RBFOX1: variants seen among roughly 807,000 people sequenced by gnomAD.
The protein encoded by RBFOX1 is RNA binding fox-1 homolog 1, also known as RNA binding protein fox-1 homolog 1.
Under a neutral mutation model 57.7 loss-of-function variants are expected in RBFOX1, and 8 were observed. The observed-to-expected ratio is 0.14, with a 90% CI of 0.08 to 0.25. The LOEUF (loss-of-function observed/expected upper bound fraction) is 0.25, where lower values mean the gene tolerates loss of function less well. Ranked by LOEUF, RBFOX1 falls within the 10% of genes least tolerant of loss-of-function variation. The pLI is 1.00. For missense variants in RBFOX1, 611 were observed against 548.5 expected (o/e 1.11, Z -1.14); for synonymous variants, 326 against 222.4 (o/e 1.47, Z -4.15).
chr16:5,520,011 G>T (rs1477449280), intron 2 of RBFOX1, among the ~76,000 whole-genome samples: 2 of 152,324 alleles, frequency 1.3e-5, no homozygotes, highest in Non-Finnish European at 2.9e-5. Flanking sequence ...GGATATTAAA[G>T]GAGTAAACTG....
chr16:5,498,250 C>G (rs1325119665), intron 2 of RBFOX1, among the ~76,000 whole-genome samples: 1 of 152,174 alleles, frequency 6.6e-6, no homozygotes, highest in Admixed American at 6.5e-5. Flanking sequence ...TCAAGCAGTT[C>G]TCCTGCTTCA....
intron 2 of RBFOX1, among the ~76,000 whole-genome samples, chr16:5,491,105 C>G (rs1270325292): frequency 1.3e-5 from 2 of 152,154 alleles, no homozygotes. Flanking sequence ...TCTTACGGGA[C>G]CACCGTCATA....
chr16:6,197,096 TAGAA>T (rs2097184503), intron 1 of RBFOX1, among the ~76,000 whole-genome samples: 2 of 152,176 alleles, frequency 1.3e-5, no homozygotes, highest in African/African-American at 4.8e-5. Context: ...TAAGGACAAA[TAGAA>T]AGCTTTATAT....
intron 3 of RBFOX1, among the ~76,000 whole-genome samples, chr16:6,846,056 C>T (rs963810070): frequency 6.6e-6 from 1 of 152,186 alleles, no homozygotes; most frequent in Non-Finnish European, 1.5e-5. Context: ...AAGCACATCA[C>T]AGTTGTAATC....
chr16:6,855,292 C>T (rs1423670963), intron 3 of RBFOX1, among the ~76,000 whole-genome samples: 1 of 152,030 alleles, frequency 6.6e-6, no homozygotes, highest in Non-Finnish European at 1.5e-5. Flanking sequence ...TTCTAGTATA[C>T]AGGTCTGAGA....
intron 1 of RBFOX1, among the ~76,000 whole-genome samples, chr16:6,031,027 T>C (rs1303294980): frequency 1.3e-5 from 2 of 151,994 alleles, no homozygotes; most frequent in African/African-American, 4.8e-5. Flanking sequence ...AAAAAGACAA[T>C]AGAATTACCC....
chr16:6,947,989 G>A (rs939605949), intron 3 of RBFOX1, among the ~76,000 whole-genome samples: 1 of 152,076 alleles, frequency 6.6e-6, no homozygotes, highest in Non-Finnish European at 1.5e-5. Context: ...ACGTTTGCCA[G>A]GTTGGTCTCA....
intron 1 of RBFOX1, among the ~76,000 whole-genome samples, chr16:5,411,174 G>C (rs753115605): frequency 3.9e-5 from 6 of 152,220 alleles, no homozygotes; most frequent in Non-Finnish European, 5.9e-5. Flanking sequence ...GGACCTCAAA[G>C]ATATCAACAC....
chr16:6,395,508 A>G (rs1288427327), intron 2 of RBFOX1, among the ~76,000 whole-genome samples: 2 of 151,992 alleles, frequency 1.3e-5, no homozygotes, highest in East Asian at 3.9e-4. Flanking sequence ...TTTTGTAGAT[A>G]TTTAAGTTCT....
intron 4 of RBFOX1, among the ~76,000 whole-genome samples, chr16:5,948,152 T>G (rs974668522): frequency 6.6e-6 from 1 of 152,160 alleles, no homozygotes; most frequent in African/African-American, 2.4e-5. Flanking sequence ...CTTTCCCTAA[T>G]GCTATATATA....
intron 1 of RBFOX1, among the ~76,000 whole-genome samples, chr16:6,243,933 C>G (rs937974832): frequency 6.6e-6 from 1 of 152,146 alleles, no homozygotes; most frequent in African/African-American, 2.4e-5. Context: ...GTAAGACACC[C>G]TTCAATGTTT....
At chr16:7,105,243 A>G (rs768730471) in intron 4 of RBFOX1, among the ~76,000 whole-genome samples, 6 of 150,392 alleles carry the variant, frequency 4.0e-5, no homozygotes, top group Non-Finnish European at 8.8e-5. Context: ...ATGGCAACCT[A>G]TGGAGGCCAA....
At chr16:5,807,346 G>C (rs1158850432) in intron 3 of RBFOX1, among the ~76,000 whole-genome samples, 1 of 152,022 alleles carries the variant, frequency 6.6e-6, no homozygotes, top group Non-Finnish European at 1.5e-5. Flanking sequence ...TCACAATCTT[G>C]TGGCATCTTC....
At chr16:6,944,869 T>C (rs2079191626) in intron 3 of RBFOX1, among the ~76,000 whole-genome samples, 1 of 152,204 alleles carries the variant, frequency 6.6e-6, no homozygotes, top group Non-Finnish European at 1.5e-5. Context: ...AATTGATTGA[T>C]GATGGCTGAT....
chr16:7,408,952 C>G (rs375351760), intron 4 of RBFOX1, among the ~76,000 whole-genome samples: 1 of 152,166 alleles, frequency 6.6e-6, no homozygotes, highest in Admixed American at 6.6e-5. Flanking sequence ...TGTTGTCATC[C>G]CAGGTGAACT....
intron 3 of RBFOX1, among the ~76,000 whole-genome samples, chr16:6,760,853 C>A (rs2076500652): frequency 6.6e-6 from 1 of 152,170 alleles, no homozygotes; most frequent in Admixed American, 6.5e-5. Flanking sequence ...GGGAGTGGCG[C>A]TGCCTCTGGT....
intron 2 of RBFOX1, among the ~76,000 whole-genome samples, chr16:6,547,762 G>A (rs963445078): frequency 6.6e-6 from 1 of 151,364 alleles, no homozygotes; most frequent in Non-Finnish European, 1.5e-5. Flanking sequence ...GGTCCTTCCT[G>A]GTCATGTGTG....
chr16:5,692,035 A>G (rs1358602005), intron 3 of RBFOX1, among the ~76,000 whole-genome samples: 1 of 151,246 alleles, frequency 6.6e-6, no homozygotes, highest in Non-Finnish European at 1.5e-5. Context: ...TTTTTTTGCC[A>G]TTCTGTGTAC....
intron 4 of RBFOX1, among the ~76,000 whole-genome samples, chr16:7,153,422 G>T (rs1256462983): frequency 6.6e-6 from 1 of 151,996 alleles, no homozygotes; most frequent in East Asian, 1.9e-4. Flanking sequence ...TTTAGGGAGG[G>T]AGGACATGTA....
Sources: gnomAD v4.1 joint callset for allele counts (sites outside exome capture counted in the v4.1 genomes callset) on GRCh38, gnomAD v4.1.1 for gene constraint, MANE v1.5 for transcripts, NCBI Gene and HGNC (gene_info 2026-07-23, HGNC 2026-07-21) for gene names.